DMD: variants seen among roughly 807,000 people sequenced by gnomAD.
The protein encoded by DMD is dystrophin.
In DMD, 63 loss-of-function variants were observed where a neutral mutation model predicts 330.1. The observed-to-expected ratio is 0.19, with a 90% CI of 0.16 to 0.24. The LOEUF is 0.24. Ranked by LOEUF, DMD falls within the 10% of genes least tolerant of loss-of-function variation. DMD has a pLI of 1.00. For synonymous variants in DMD, 1,223 were observed against 959.8 expected, an observed-to-expected ratio of 1.27 and a Z score of -5.07; for missense variants, 3,344 against 2,684.1, an observed-to-expected ratio of 1.25 and a Z score of -5.43.
intron 30 of DMD, among the ~76,000 whole-genome samples, chrX:32,398,053 G>A (rs2098058194): frequency 9.0e-6 from 1 of 110,530 alleles, no homozygotes; most frequent in Admixed American, 9.7e-5. Flanking sequence ...AAAGGGAAAT[G>A]GCCACATATC....
chrX:32,276,756 CT>C (rs1213483953), intron 43 of DMD, among the ~76,000 whole-genome samples: 1 of 110,118 alleles, frequency 9.1e-6, no homozygotes, highest in Non-Finnish European at 1.9e-5. Flanking sequence ...CCCAACTCTA[CT>C]AAAAATACAA....
intron 16 of DMD, among the ~76,000 whole-genome samples, chrX:32,554,905 G>C (rs958590777): frequency 3.4e-5 from 1 of 29,369 alleles, no homozygotes; most frequent in African/African-American, 1.7e-4. Context: ...AAGAAAGAAA[G>C]AAAGAAAGAA....
chrX:32,260,381 T>C (rs1480376621), intron 43 of DMD, among the ~76,000 whole-genome samples: 1 of 111,633 alleles, frequency 9.0e-6, no homozygotes, highest in African/African-American at 3.3e-5. Context: ...GTTAGTTTTT[T>C]TGTGGCATCT....
chrX:31,805,990 T>C (rs1242136642), intron 50 of DMD, among the ~76,000 whole-genome samples: 8 of 112,295 alleles, frequency 7.1e-5, no homozygotes, highest in Admixed American at 2.8e-4. Context: ...GCCACACTTA[T>C]GCATTTACAA....
intron 41 of DMD, among the ~76,000 whole-genome samples, chrX:32,318,654 C>T (rs1021684386): frequency 6.3e-5 from 7 of 111,324 alleles, no homozygotes; most frequent in Non-Finnish European, 1.3e-4. Context: ...AGGGCCTGTC[C>T]ATCTCAGAAT....
chrX:32,016,068 G>A (rs2095757484), intron 44 of DMD, among the ~76,000 whole-genome samples: 1 of 111,616 alleles, frequency 9.0e-6, no homozygotes, highest in Non-Finnish European at 1.9e-5. Context: ...GGCCATGGAA[G>A]ATATGTTGTG....
At chrX:31,247,229 A>C (rs1161094637) in intron 63 of DMD, among the ~76,000 whole-genome samples, 14 of 111,728 alleles carry the variant, frequency 1.3e-4, no homozygotes, top group Non-Finnish European at 3.8e-5. Context: ...TTCAACTCTT[A>C]TTAGTTGAGA....
intron 51 of DMD, among the ~76,000 whole-genome samples, chrX:31,749,301 A>G (rs1175242872): frequency 2.4e-5 from 1 of 41,941 alleles, no homozygotes; most frequent in Non-Finnish European, 4.1e-5. Flanking sequence ...CCCTCCCCCC[A>G]CCCCACAACA....
chrX:33,024,813 A>G (rs2093968660), intron 1 of DMD, among the ~76,000 whole-genome samples: 1 of 112,142 alleles, frequency 8.9e-6, no homozygotes, highest in Non-Finnish European at 1.9e-5. Flanking sequence ...AGGACTTATT[A>G]GAATTGTGGC....
At chrX:31,871,704 G>GTT (rs767462131) in intron 48 of DMD, among the ~76,000 whole-genome samples, 12 of 96,647 alleles carry the variant, frequency 1.2e-4, no homozygotes, top group Non-Finnish European at 1.7e-4. Flanking sequence ...TAGTAAAGGT[G>GTT]TTTTTTTTTT....
At chrX:33,322,090 C>A (rs780533845) in intron 1 of DMD, among the ~76,000 whole-genome samples, 2 of 111,758 alleles carry the variant, frequency 1.8e-5, no homozygotes, top group East Asian at 5.7e-4. Flanking sequence ...GCTTTGCTTT[C>A]TTTTCATTCA....
intron 1 of DMD, among the ~76,000 whole-genome samples, chrX:33,062,380 T>A (rs186892999): frequency 5.5e-4 from 57 of 103,946 alleles, no homozygotes; most frequent in African/African-American, 2.3e-3. Flanking sequence ...ACTTTGTGCA[T>A]TTAACTCTCA....
intron 44 of DMD, among the ~76,000 whole-genome samples, chrX:32,028,023 G>A (rs1263028375): frequency 1.8e-5 from 2 of 112,290 alleles, no homozygotes; most frequent in East Asian, 5.6e-4. Flanking sequence ...AGCAAGAAGA[G>A]AGGCAGGAGA....
At chrX:33,086,399 G>T (rs1411235608) in intron 1 of DMD, among the ~76,000 whole-genome samples, 1 of 111,492 alleles carries the variant, frequency 9.0e-6, no homozygotes, top group African/African-American at 3.2e-5. Context: ...TTTGTGATAA[G>T]TCAAAAACTA....
intron 1 of DMD, among the ~76,000 whole-genome samples, chrX:33,328,267 G>A (rs111651356): frequency 8.1e-5 from 9 of 111,155 alleles, no homozygotes; most frequent in African/African-American, 2.6e-4. Context: ...GCACTGGCAC[G>A]ATCTTGACTC....
At chrX:31,203,733 T>A (rs1051916485) in intron 67 of DMD, among the ~76,000 whole-genome samples, 4 of 111,428 alleles carry the variant, frequency 3.6e-5, no homozygotes, top group African/African-American at 1.3e-4. Flanking sequence ...TCAATAACTG[T>A]GGGGTCCCTG....
At chrX:33,288,925 A>G (rs1227440588) in intron 1 of DMD, among the ~76,000 whole-genome samples, 3 of 111,391 alleles carry the variant, frequency 2.7e-5, no homozygotes, top group Non-Finnish European at 5.7e-5. Context: ...CAGTTACTAT[A>G]GACACAAGCA....
intron 7 of DMD, among the ~76,000 whole-genome samples, chrX:32,807,775 T>C (rs934746641): frequency 9.0e-6 from 1 of 111,713 alleles, no homozygotes; most frequent in African/African-American, 3.3e-5. Context: ...ATTTAGGCAC[T>C]CCTATTCTGT....
chrX:31,645,172 T>C (rs1362419011), intron 54 of DMD, among the ~76,000 whole-genome samples: 2 of 111,953 alleles, frequency 1.8e-5, no homozygotes, highest in Non-Finnish European at 3.8e-5. Context: ...ATTGCCTCTA[T>C]TGTTGATTGC....
Sources: allele counts gnomAD v4.1 joint callset (sites outside exome capture counted in the v4.1 genomes callset), GRCh38; gene constraint gnomAD v4.1.1; transcripts MANE v1.5; gene names NCBI Gene and HGNC (gene_info 2026-07-23, HGNC 2026-07-21).